Variants in ACTR3B observed in about 807,000 individuals in gnomAD.
ACTR3B encodes actin-related protein 3B.
Under a neutral mutation model 59.0 loss-of-function variants are expected in ACTR3B, and 8 were observed. That is an observed-to-expected ratio of 0.14 (90% confidence interval 0.08 to 0.24). The LOEUF is 0.24. Ranked by LOEUF, ACTR3B falls within the 10% of genes least tolerant of loss-of-function variation. The pLI is 1.00. For missense variants in ACTR3B, 245 were observed against 552.3 expected (o/e 0.44, Z 5.58); for synonymous variants, 148 against 197.9 (o/e 0.75, Z 2.12).
At chr7:152,834,373 C>T (rs1398532624) in intron 9 of ACTR3B, among the ~76,000 whole-genome samples, 3 of 152,114 alleles carry the variant, frequency 2.0e-5, no homozygotes, top group South Asian at 2.1e-4. Context: ...AGGCTGGTCT[C>T]GAACTCCTGA....
intron 2 of ACTR3B, among the ~76,000 whole-genome samples, chr7:152,789,918 A>G (rs1590259078): frequency 6.6e-6 from 1 of 151,698 alleles, no homozygotes; most frequent in Admixed American, 6.6e-5. Flanking sequence ...AAAATCATGA[A>G]TGACAGTGAG....
Position 152,778,943 on chromosome 7 carries a change from C to CAAAAAA in ACTR3B, c.45-4207_45-4202dup, listed in dbSNP as rs59789390. ...GGGTGACAGAGTGAGACTGTGTCTC[C>CAAAAAA]AAAAAAAAAAAAAAAAAAAAAAAAA... On this transcript the variant is annotated intron_variant, in intron 1 of 11. Transcript: ENST00000256001. 5.4e-4 allele frequency among the ~76,000 whole-genome samples: 20 copies of CAAAAAA among 36,826 alleles called. 1 individual carries two copies. The highest frequency in any genetic ancestry group is 7.6e-4 in the African/African-American group (6 of 7,914). 24.2% of individuals were successfully genotyped at this position (36,826 alleles called of 152,430 possible). A position where few individuals can be genotyped will look rare whatever the true frequency, so the allele number is the denominator to read the frequency against.
intron 9 of ACTR3B, among the ~76,000 whole-genome samples, chr7:152,837,056 G>C (rs1244044610): frequency 6.6e-6 from 1 of 152,224 alleles, no homozygotes; most frequent in African/African-American, 2.4e-5. Flanking sequence ...TGCACCTGTA[G>C]TCTCAGCTAC....
chr7:152,830,594 G>C (rs1032566563), intron 9 of ACTR3B, among the ~76,000 whole-genome samples: 20 of 152,162 alleles, frequency 1.3e-4, no homozygotes, highest in African/African-American at 4.3e-4. Context: ...TGTCGCCCAC[G>C]CTGAAGTGCG....
intron 4 of ACTR3B, chr7:152,811,208 T>C (rs551784670): frequency 6.7e-6 from 1 of 148,700 alleles, no homozygotes; most frequent in Admixed American, 6.8e-5. Flanking sequence ...CTTTTAGTAG[T>C]TGAATTTCCC....
intron 7 of ACTR3B, 34 bp downstream of exon 7, chr7:152,820,476 G>T (rs776527162): frequency 1.6e-5 from 25 of 1,594,044 alleles, no homozygotes; most frequent in Middle Eastern, 3.3e-4. Context: ...CGGTTTGGGG[G>T]TGAGAGAGAT....
At position 152,790,947 on chromosome 7, in the gene ACTR3B, C is replaced by T. The variant is rs544604418; in HGVS notation, c.100+7705C>T. 1.6e-4 allele frequency among the ~76,000 whole-genome samples: 24 copies of T among 152,024 alleles called. No individual in the cohort carries two copies. In the South Asian group the frequency reaches 4.6e-3, roughly 29 times the overall value. ...AGTCATGTCTTTTCTTGGTAACCCA[C>T]ATCCTATAATCCTATACCCAAACAC... On this transcript the variant is annotated intron_variant, in intron 2 of 11. Transcript: ENST00000256001.
At chr7:152,852,332 G>A (rs1798878724) in intron 10 of ACTR3B, 81 bp downstream of exon 10, 2 of 1,498,816 alleles carry the variant, frequency 1.3e-6, no homozygotes, top group Non-Finnish European at 1.8e-6. Context: ...AGAGCCGAAG[G>A]AGCTTGTCTG....
intron 9 of ACTR3B, among the ~76,000 whole-genome samples, chr7:152,837,524 C>G (rs1797561485): frequency 6.6e-6 from 1 of 152,242 alleles, no homozygotes; most frequent in South Asian, 2.1e-4. Context: ...TACTTTGATG[C>G]AAGCAAGCTA....
intron 9 of ACTR3B, among the ~76,000 whole-genome samples, chr7:152,830,919 AATACAT>A (rs1267298123): frequency 6.6e-6 from 1 of 152,206 alleles, no homozygotes; most frequent in Admixed American, 6.5e-5. Flanking sequence ...ATCAGAAAAA[AATACAT>A]ATCATTGGTT....
intron 1 of ACTR3B, among the ~76,000 whole-genome samples, chr7:152,766,903 C>T (rs1308729835): frequency 1.3e-5 from 2 of 152,154 alleles, no homozygotes; most frequent in Non-Finnish European, 2.9e-5. Flanking sequence ...TCTCCTGCTG[C>T]AGCCTCCCGA....
intron 4 of ACTR3B, among the ~76,000 whole-genome samples, chr7:152,806,526 C>T (rs1292364128): frequency 6.6e-6 from 1 of 152,186 alleles, no homozygotes; most frequent in Non-Finnish European, 1.5e-5. Flanking sequence ...TGGCAGCTCT[C>T]TGGTGTGGCT....
chr7:152,817,748 T>G (rs1263512523), intron 6 of ACTR3B, among the ~76,000 whole-genome samples: 1 of 152,230 alleles, frequency 6.6e-6, no homozygotes, highest in Non-Finnish European at 1.5e-5. Flanking sequence ...TACACACAGC[T>G]CTTTTAAAAT....
intron 9 of ACTR3B, among the ~76,000 whole-genome samples, chr7:152,849,329 T>A (rs116134296): frequency 1.3e-5 from 2 of 151,818 alleles, no homozygotes; most frequent in Admixed American, 1.3e-4. Flanking sequence ...AGGAACGGGG[T>A]GGGGTGGGGG....
chr7:152,806,410 G>T (rs2098252189), intron 4 of ACTR3B, among the ~76,000 whole-genome samples: 2 of 152,196 alleles, frequency 1.3e-5, no homozygotes, highest in Non-Finnish European at 2.9e-5. Flanking sequence ...TTCAAAGACG[G>T]TGAAGTGTTT....
At chr7:152,760,737 G>T (rs1037983014) in intron 1 of ACTR3B, among the ~76,000 whole-genome samples, 3 of 152,344 alleles carry the variant, frequency 2.0e-5, no homozygotes, top group East Asian at 3.9e-4. Flanking sequence ...ATTAAAAAGA[G>T]ATCTTAGGAA....
At chr7:152,770,858 C>T (rs1256279730) in intron 1 of ACTR3B, among the ~76,000 whole-genome samples, 85 of 136,480 alleles carry the variant, frequency 6.2e-4, no homozygotes, top group African/African-American at 2.3e-3. Flanking sequence ...CAGAAAGGAC[C>T]CATCATGGGA....
intron 9 of ACTR3B, among the ~76,000 whole-genome samples, chr7:152,848,791 G>A (rs966159298): frequency 6.6e-6 from 1 of 152,162 alleles, no homozygotes. Context: ...AGGAAGCCAG[G>A]GATCAGAATA....
chr7:152,769,712 C>T (rs569796967), intron 1 of ACTR3B, among the ~76,000 whole-genome samples: 5 of 151,582 alleles, frequency 3.3e-5, no homozygotes, highest in African/African-American at 1.2e-4. Flanking sequence ...TTTTTTGGTG[C>T]ACTTTAGGGC....
Sources: allele counts gnomAD v4.1 joint callset (sites outside exome capture counted in the v4.1 genomes callset), GRCh38; gene constraint gnomAD v4.1.1; transcripts MANE v1.5; gene names NCBI Gene and HGNC (gene_info 2026-07-23, HGNC 2026-07-21).